SLC68A1: variants seen among roughly 807,000 people sequenced by gnomAD.
The protein encoded by SLC68A1 is solute carrier family 68 member 1, also known as major facilitator superfamily domain containing 13A.
the SLC68A1 span, chr10:102,472,837 T>C: frequency 6.2e-7 from 1 of 1,607,728 alleles, no homozygotes; most frequent in African/African-American, 1.3e-5. Context: ...CTCCTCACCA[T>C]CCCTGTCGGG....
chr10:102,474,027 G>T, the SLC68A1 span: 6 of 1,577,844 alleles, frequency 3.8e-6, no homozygotes, highest in Non-Finnish European at 5.2e-6. Context: ...GGGCCTGGTA[G>T]CAGGCAAGGG....
chr10:102,476,376 G>T, the SLC68A1 span: 1 of 416,696 alleles, frequency 2.4e-6, no homozygotes, highest in Non-Finnish European at 3.2e-6. Flanking sequence ...CCTAATTTTT[G>T]TATTATTTAG....
At chr10:102,463,047 G>A in the SLC68A1 span, among the ~76,000 whole-genome samples, 2 of 152,152 alleles carry the variant, frequency 1.3e-5, no homozygotes, top group Non-Finnish European at 2.9e-5. Flanking sequence ...CCCTAGGGCT[G>A]AGGATGTTGT....
chr10:102,470,738 C>T, the SLC68A1 span: 1 of 1,613,772 alleles, frequency 6.2e-7, no homozygotes, highest in Non-Finnish European at 8.5e-7. Flanking sequence ...TGGGCCGCTG[C>T]TGGCGCTGTC....
chr10:102,467,900 C>T, the SLC68A1 span, among the ~76,000 whole-genome samples: 17 of 152,158 alleles, frequency 1.1e-4, 1 homozygote, highest in African/African-American at 2.2e-4. Flanking sequence ...TCAGGTGATC[C>T]GCCTACCCCG....
the SLC68A1 span, chr10:102,472,747 G>A: frequency 1.2e-6 from 1 of 837,460 alleles, no homozygotes; most frequent in South Asian, 1.3e-5. Context: ...CGCTCTTGCT[G>A]CTCTGAGGAT....
the SLC68A1 span, chr10:102,474,113 G>A: frequency 7.8e-7 from 1 of 1,275,878 alleles, no homozygotes; most frequent in South Asian, 1.6e-5. Flanking sequence ...AGTGACGGAA[G>A]GTGGCAACTG....
chr10:102,468,718 A>T, the SLC68A1 span: 1 of 267,358 alleles, frequency 3.7e-6, no homozygotes, highest in Non-Finnish European at 7.2e-6. Context: ...GACCTGGCTC[A>T]GCACTTGCTG....
chr10:102,471,201 G>C, the SLC68A1 span: 9 of 1,600,900 alleles, frequency 5.6e-6, no homozygotes, highest in African/African-American at 1.2e-4. Flanking sequence ...GCTGATGGGG[G>C]CTGCCCTGGG....
chr10:102,475,621 C>T, the SLC68A1 span: 73 of 1,371,490 alleles, frequency 5.3e-5, 1 homozygote, highest in South Asian at 8.4e-4. Context: ...GGTCTGGACA[C>T]GTCCATGTGG....
chr10:102,473,758 G>A, the SLC68A1 span: 14,340 of 1,609,148 alleles, frequency 8.9e-3, 1,090 homozygotes, highest in African/African-American at 0.17. Context: ...CCCTGCCCAC[G>A]CTCCCCGCAA....
chr10:102,471,348 G>A, the SLC68A1 span: 13 of 1,613,838 alleles, frequency 8.1e-6, no homozygotes, highest in Non-Finnish European at 1.1e-5. Flanking sequence ...TCCGGCAGCT[G>A]GCACGCCATC....
chr10:102,472,532 A>T, the SLC68A1 span, among the ~76,000 whole-genome samples: 21 of 152,244 alleles, frequency 1.4e-4, no homozygotes, highest in Non-Finnish European at 8.8e-5. Context: ...CCAAAGTGCT[A>T]AGGTGCTAGG....
At chr10:102,474,134 A>G in the SLC68A1 span, 1 of 1,017,886 alleles carries the variant, frequency 9.8e-7, no homozygotes, top group East Asian at 2.6e-5. Context: ...GCGTCCCCTC[A>G]ACATGGCTAG....
chr10:102,462,965 G>T, the SLC68A1 span, among the ~76,000 whole-genome samples: 1 of 152,300 alleles, frequency 6.6e-6, no homozygotes, highest in South Asian at 2.1e-4. Context: ...CCACAGTTAA[G>T]CAGAACACAG....
At chr10:102,471,500 C>G in the SLC68A1 span, 1 of 1,493,302 alleles carries the variant, frequency 6.7e-7, no homozygotes, top group Non-Finnish European at 9.1e-7. Context: ...TGGCTCATGC[C>G]TGTAGTCCCA....
At chr10:102,466,482 C>CA in the SLC68A1 span, among the ~76,000 whole-genome samples, 1,835 of 100,670 alleles carry the variant, frequency 0.018, 23 homozygotes, top group Non-Finnish European at 0.023. Context: ...GACTCCACCT[C>CA]AAAAAAAAAA....
At chr10:102,470,390 T>G in the SLC68A1 span, among the ~76,000 whole-genome samples, 1 of 152,098 alleles carries the variant, frequency 6.6e-6, no homozygotes, top group Non-Finnish European at 1.5e-5. Flanking sequence ...GAGCCCGTCA[T>G]CACCCCCAAC....
chr10:102,470,571 G>A, the SLC68A1 span: 652 of 1,533,448 alleles, frequency 4.3e-4, 2 homozygotes, highest in Non-Finnish European at 5.3e-4. Flanking sequence ...CCCACACCCT[G>A]GGCCTCCATC....
Sources: gnomAD v4.1 joint callset for allele counts (sites outside exome capture counted in the v4.1 genomes callset) on GRCh38, gnomAD v4.1.1 for gene constraint, MANE v1.5 for transcripts, NCBI Gene and HGNC (gene_info 2026-07-23, HGNC 2026-07-21) for gene names.